The following PRR5L variants were observed in gnomAD, a reference collection of about 807,000 sequenced individuals.
PRR5L encodes the protein proline-rich protein 5-like.
Under a neutral mutation model 36.4 loss-of-function variants are expected in PRR5L, and 21 were observed. That is an observed-to-expected ratio of 0.58 (90% CI 0.41 to 0.83). The LOEUF (loss-of-function observed/expected upper bound fraction) is 0.83. Ranked by LOEUF, PRR5L falls within the 40% of genes least tolerant of loss-of-function variation. PRR5L has a pLI of 0.00. For missense variants in PRR5L, 381 were observed against 473.3 expected, an observed-to-expected ratio of 0.80 and a Z score of 1.81; for synonymous variants, 188 against 197.0, an observed-to-expected ratio of 0.95 and a Z score of 0.38.
chr11:36,320,146 C>G (rs573046009), intron 1 of PRR5L, among the ~76,000 whole-genome samples: 2 of 152,098 alleles, frequency 1.3e-5, no homozygotes, highest in Non-Finnish European at 1.5e-5. Flanking sequence ...CGTCGTACCT[C>G]TGCCCCTACT....
chr11:36,307,052 T>C (rs138108321), intron 1 of PRR5L, among the ~76,000 whole-genome samples: 1 of 152,274 alleles, frequency 6.6e-6, no homozygotes, highest in African/African-American at 2.4e-5. Context: ...GTTTTTGTTG[T>C]AAATTTCTAG....
chr11:36,315,251 CAG>C (rs970964186), intron 1 of PRR5L, among the ~76,000 whole-genome samples: 77 of 152,266 alleles, frequency 5.1e-4, no homozygotes, highest in African/African-American at 1.7e-3. Context: ...CATGCAAAAA[CAG>C]AGTCTAGTCC....
intron 1 of PRR5L, among the ~76,000 whole-genome samples, chr11:36,325,024 T>C (rs1856646208): frequency 6.6e-6 from 1 of 152,230 alleles, no homozygotes; most frequent in South Asian, 2.1e-4. Context: ...GATGGTGGGC[T>C]GCTTCCAAAA....
rs1281501064 is a variant in PRR5L, at chr11:36,365,356, C to T, written c.-125-35641C>T. Among the ~76,000 whole-genome samples the T allele has an allele frequency of 2.0e-5, 3 of 152,066 alleles. No individual in the cohort carries two copies. The East Asian group carries it at 5.8e-4, about 29-fold the overall frequency. On this transcript the variant is annotated intron_variant, in intron 1 of 8. Coordinates refer to ENST00000530639, the MANE Select transcript of PRR5L (RefSeq NM_001160167.2). ...ACTGAGTAGACTCAATTAAGATCTC[C>T]CCTCGTCTTATACAGTCTCGGGTCC...
intron 1 of PRR5L, among the ~76,000 whole-genome samples, chr11:36,318,536 G>GAAC (rs1856581239): frequency 6.6e-6 from 1 of 151,490 alleles, no homozygotes; most frequent in Non-Finnish European, 1.5e-5. Context: ...TGGAGCTACT[G>GAAC]TTAGCTATGA....
chr11:36,393,051 T>G (rs1326437148), intron 1 of PRR5L, among the ~76,000 whole-genome samples: 1 of 152,228 alleles, frequency 6.6e-6, no homozygotes, highest in East Asian at 1.9e-4. Flanking sequence ...TATAGAGTTG[T>G]TTGAGCTTCT....
At chr11:36,304,503 T>G (rs1419274765) in intron 1 of PRR5L, among the ~76,000 whole-genome samples, 1 of 152,234 alleles carries the variant, frequency 6.6e-6, no homozygotes, top group Non-Finnish European at 1.5e-5. Flanking sequence ...TGGCTGGCTT[T>G]TTTCACTAAC....
At chr11:36,394,047 G>A (rs1346287465) in intron 1 of PRR5L, 1 of 152,204 alleles carries the variant, frequency 6.6e-6, no homozygotes, top group African/African-American at 2.4e-5. Flanking sequence ...AAGCCATGCA[G>A]CCTGCTGTAT....
intron 1 of PRR5L, among the ~76,000 whole-genome samples, chr11:36,339,364 G>A (rs1162301324): frequency 2.0e-5 from 3 of 152,194 alleles, no homozygotes; most frequent in Non-Finnish European, 4.4e-5. Context: ...AAAGTGCTGG[G>A]ATTACCGGAG....
intron 1 of PRR5L, among the ~76,000 whole-genome samples, chr11:36,387,694 C>G (rs1372971658): frequency 6.6e-6 from 1 of 152,142 alleles, no homozygotes; most frequent in Non-Finnish European, 1.5e-5. Context: ...TCAGCAGACC[C>G]AGAGAAGTGA....
intron 6 of PRR5L, among the ~76,000 whole-genome samples, chr11:36,442,047 G>A (rs1012558589): frequency 6.6e-6 from 1 of 152,114 alleles, no homozygotes; most frequent in Admixed American, 6.5e-5. Context: ...TGTCCCAGAG[G>A]TTTCTGAAAT....
intron 1 of PRR5L, among the ~76,000 whole-genome samples, chr11:36,370,359 A>G (rs1458697911): frequency 6.6e-6 from 1 of 152,048 alleles, no homozygotes; most frequent in Non-Finnish European, 1.5e-5. Flanking sequence ...CTTTTTTTCC[A>G]GTCACTCTAG....
intron 1 of PRR5L, among the ~76,000 whole-genome samples, chr11:36,318,673 G>A (rs2133461523): frequency 6.6e-6 from 1 of 152,306 alleles, no homozygotes; most frequent in Non-Finnish European, 1.5e-5. Flanking sequence ...TTTGTGCTAG[G>A]ATAGGATTTC....
At chr11:36,451,387 GC>G (rs1564953431) in intron 8 of PRR5L, 52 bp downstream of exon 8, 2 of 1,604,944 alleles carry the variant, frequency 1.2e-6, no homozygotes, top group Non-Finnish European at 1.7e-6. Flanking sequence ...CATGATACCA[GC>G]ACTGTTTAAC....
At chr11:36,355,858 C>T (rs1857022072) in intron 1 of PRR5L, among the ~76,000 whole-genome samples, 1 of 151,786 alleles carries the variant, frequency 6.6e-6, no homozygotes, top group African/African-American at 2.4e-5. Flanking sequence ...CCACCACACC[C>T]AGCCCCATGC....
At chr11:36,313,968 G>A (rs569014347) in intron 1 of PRR5L, among the ~76,000 whole-genome samples, 69 of 152,328 alleles carry the variant, frequency 4.5e-4, no homozygotes, top group South Asian at 2.3e-3. Context: ...CTTATTAACA[G>A]CTGTGTGGTT....
intron 1 of PRR5L, among the ~76,000 whole-genome samples, chr11:36,304,449 A>G (rs1045417635): frequency 1.3e-5 from 2 of 152,208 alleles, no homozygotes; most frequent in Admixed American, 6.5e-5. Context: ...TCCAATCCAT[A>G]TATGTATTAA....
intron 1 of PRR5L, among the ~76,000 whole-genome samples, chr11:36,332,428 A>C (rs575325908): frequency 1.2e-4 from 19 of 152,276 alleles, no homozygotes. Flanking sequence ...TCTGGCATTA[A>C]ATAAGCCTTG....
At chr11:36,391,772 C>T (rs763318367) in intron 1 of PRR5L, among the ~76,000 whole-genome samples, 26 of 152,184 alleles carry the variant, frequency 1.7e-4, no homozygotes, top group Non-Finnish European at 2.9e-4. Flanking sequence ...ATAATAATCA[C>T]ATCAGGGTAA....
Sources: gnomAD v4.1 joint callset for allele counts (sites outside exome capture counted in the v4.1 genomes callset) on GRCh38, gnomAD v4.1.1 for gene constraint, MANE v1.5 for transcripts, NCBI Gene and HGNC (gene_info 2026-07-23, HGNC 2026-07-21) for gene names.